Variants in PLEKHH3 observed in about 807,000 individuals in gnomAD.
The protein encoded by PLEKHH3 is pleckstrin homology domain-containing family H member 3.
In PLEKHH3, 57 loss-of-function variants were observed where a neutral mutation model predicts 77.8. That is an observed-to-expected ratio of 0.73 (90% CI 0.59 to 0.91). The LOEUF (loss-of-function observed/expected upper bound fraction) is 0.91. PLEKHH3 is among the 40% of genes least tolerant of loss of function. The pLI is 0.00. For missense variants in PLEKHH3, 1,082 were observed against 1,091.2 expected, an observed-to-expected ratio of 0.99 and a Z score of 0.12; for synonymous variants, 467 against 504.8, an observed-to-expected ratio of 0.93 and a Z score of 1.00.
Position 42,673,556 on chromosome 17 carries a change from C to T in PLEKHH3, c.491G>A (p.Gly164Asp). The change falls in exon 5 of 13, where the codon GGT (glycine) becomes GAT (aspartate). Residue 164 changes from glycine to aspartate, a missense_variant and splice_region_variant. This residue lies in a region of PLEKHH3 where 344 missense variants were observed against 320.8 expected (regional missense o/e 1.07). Transcript: ENST00000591022. ...ACCAGACACAGTCACTGACCACAGA[C>T]CTGGGGAAAAGAGAGGCCAGGGAGG... ...TGPERRRKET[G>D]LWSVTVSGRK... 1.9e-6 allele frequency: 3 copies of T among 1,589,846 alleles called. No individual in the cohort carries two copies. Among genetic ancestry groups the T allele is most frequent in the Non-Finnish European group, 2.6e-6 (3 of 1,170,338 alleles).
At chr17:42,675,356 G>C (rs564811764) in intron 1 of PLEKHH3, among the ~76,000 whole-genome samples, 1 of 152,274 alleles carries the variant, frequency 6.6e-6, no homozygotes, top group South Asian at 2.1e-4. Context: ...TGCCCAAGCT[G>C]GAAGCTTGGG....
In PLEKHH3 at chr17:42,670,556, A is replaced by G; in HGVS notation, c.1554+17T>C. 1.2e-6 allele frequency: 2 copies of G among 1,600,130 alleles called. No individual in the cohort carries two copies. Among genetic ancestry groups the G allele is most frequent in the Non-Finnish European group, 8.5e-7 (1 of 1,169,816 alleles). ...CTTGGGGGTCTGTTTGGAGGCGTGAACGCCGGAGAGCCTCACCTGCTCAAA... is the reference window on the plus strand; with the variant it reads ...CTTGGGGGTCTGTTTGGAGGCGTGAGCGCCGGAGAGCCTCACCTGCTCAAA... On this transcript the variant is annotated intron_variant, in intron 10 of 12. Coordinates refer to ENST00000591022, the MANE Select transcript of PLEKHH3 (RefSeq NM_024927.5).
chr17:42,670,399 C>T, intron 10 of PLEKHH3, 23 bp from the exon 11 acceptor site: 1 of 1,450,398 alleles, frequency 6.9e-7, no homozygotes, highest in Non-Finnish European at 9.0e-7. Context: ...CACCCGGCGT[C>T]AGTGTACGAG....
intron 12 of PLEKHH3, 174 bp downstream of exon 12, chr17:42,669,256 G>A (rs2052628708): frequency 1.9e-6 from 1 of 518,298 alleles, no homozygotes; most frequent in Non-Finnish European, 3.1e-6. Flanking sequence ...CATAGCCTGG[G>A]ATTCCTTGTT....
At position 42,668,394 on chromosome 17, in the gene PLEKHH3, C is replaced by T. The variant is rs573510831; in HGVS notation, c.2206-91G>A. On this transcript the variant is annotated intron_variant, in intron 12 of 12. Transcript: ENST00000591022. ...CTCCAGGCTCTAGGGCTCCAGCTTCCCCACCAGGGTCCTACGTGCTCTGGC... is the reference window on the plus strand; with the variant it reads ...CTCCAGGCTCTAGGGCTCCAGCTTCTCCACCAGGGTCCTACGTGCTCTGGC... 3.9e-5 allele frequency: 46 copies of T among 1,191,638 alleles called. No homozygotes were observed. In the Admixed American group the frequency reaches 5.5e-4, roughly 14 times the overall value. 73.8% of individuals were successfully genotyped at this position (1,191,638 alleles called of 1,614,324 possible).
chr17:42,670,483 G>T (rs1384636225), intron 10 of PLEKHH3, 90 bp downstream of exon 10: 1 of 1,525,412 alleles, frequency 6.6e-7, no homozygotes, highest in East Asian at 2.3e-5. Flanking sequence ...CTCCCGCGGG[G>T]CTGCCATAGT....
At chr17:42,674,215 C>T (rs1567962195) in intron 2 of PLEKHH3, 139 bp downstream of exon 2, 1 of 1,187,846 alleles carries the variant, frequency 8.4e-7, no homozygotes, top group Non-Finnish European at 1.2e-6. Flanking sequence ...CCGGACCGCC[C>T]CCCGGGACCC....
At chr17:42,668,710 G>T (rs994918846) in intron 12 of PLEKHH3, 2 of 154,066 alleles carry the variant, frequency 1.3e-5, no homozygotes, top group African/African-American at 4.8e-5. Flanking sequence ...GCCCATCTCG[G>T]CCTCCCAAAG....
Position 42,671,226 on chromosome 17 carries a change from A to T in PLEKHH3, c.1285-96T>A. ...GAAGGGGTCTCTTAGTCCTGTCACC[A>T]CCACTCCCTCCCTTACCAAAATAAT... is the stretch of plus-strand genomic sequence containing the variant. On this transcript the variant is annotated intron_variant, in intron 8 of 12. Transcript: ENST00000591022. This position sits in a 1 kb window ranked among gnomAD's most constrained non-coding sequence, Gnocchi z 4.7. 6.6e-7 allele frequency: 1 copy of T among 1,522,540 alleles called. No homozygotes were observed. Among genetic ancestry groups the T allele is most frequent in the Non-Finnish European group, 8.9e-7 (1 of 1,128,550 alleles). The allele number at this position is 1,522,540 out of a possible 1,614,324, so 94.3% of individuals were successfully genotyped here. A position where few individuals can be genotyped will look rare whatever the true frequency, so the allele number is the denominator to read the frequency against.
In PLEKHH3 at chr17:42,676,634, G is replaced by T; in HGVS notation, c.-71C>A. ...CAGTAGGGGGTCGGAGGAACTGGCG[G>T]GGCTCCGACCCGAGCAGGGGAAAGA... On this transcript the variant is annotated 5_prime_UTR_variant, in exon 1 of 13. Coordinates refer to ENST00000591022, the MANE Select transcript of PLEKHH3 (RefSeq NM_024927.5). This position sits in a 1 kb window ranked among gnomAD's most constrained non-coding sequence, Gnocchi z 6.6. The T allele has an allele frequency of 7.0e-7, 1 of 1,436,940 alleles. No homozygotes were observed. Among genetic ancestry groups the T allele is most frequent in the Non-Finnish European group, 9.5e-7 (1 of 1,056,174 alleles). 89.0% of individuals were successfully genotyped at this position (1,436,940 alleles called of 1,614,324 possible). A position where few individuals can be genotyped will look rare whatever the true frequency, so the allele number is the denominator to read the frequency against.
chr17:42,676,271 C>T lies in PLEKHH3; in HGVS notation c.162+131G>A. The stretch of plus-strand genomic sequence containing the variant: ...GAGAGCTCCCGGGGGCTTTGGCCCC[C>T]AGGCAAAAAACTCTCCCTCATCCCT... On this transcript the variant is annotated intron_variant, in intron 1 of 12. Coordinates refer to ENST00000591022, the MANE Select transcript of PLEKHH3 (RefSeq NM_024927.5). This position sits in a 1 kb window ranked among gnomAD's most constrained non-coding sequence, Gnocchi z 6.6. 6.8e-7 allele frequency: 1 copy of T among 1,469,354 alleles called. No homozygotes were observed. Among genetic ancestry groups the T allele is most frequent in the South Asian group, 1.4e-5 (1 of 72,892 alleles). 91.0% of individuals were successfully genotyped at this position (1,469,354 alleles called of 1,614,324 possible).
In PLEKHH3 at chr17:42,673,520, C is replaced by G; in HGVS notation, c.527G>C (p.Ser176Thr). The G allele has an allele frequency of 6.2e-7, 1 of 1,601,804 alleles. No individual in the cohort carries two copies. Among genetic ancestry groups the G allele is most frequent in the African/African-American group, 1.3e-5 (1 of 74,822 alleles). The stretch of plus-strand genomic sequence containing the variant: ...CTGGCGTGGGGAGCAGAGGCGGACA[C>G]TGTGTTTCCGACCAGACACAGTCAC... ...WSVTVSGRKH[S>T]VRLCSPRQAE... The change falls in exon 5 of 13, where the codon AGT becomes ACT. Residue 176 changes from serine to threonine, a missense_variant. This residue lies in a region of PLEKHH3 where 344 missense variants were observed against 320.8 expected (regional missense o/e 1.07). Coordinates refer to ENST00000591022, the MANE Select transcript of PLEKHH3 (RefSeq NM_024927.5).
Position 42,673,671 on chromosome 17 carries a change from G to T in PLEKHH3, c.462C>A (p.Thr154=). The change falls in exon 4 of 13, where the codon ACC becomes ACA. Residue 154 remains threonine (T), a synonymous_variant. Coordinates refer to ENST00000591022, the MANE Select transcript of PLEKHH3 (RefSeq NM_024927.5). The part of the protein sequence containing the change: ...SLVLTSLCSV[T]GPERRRKETG... The stretch of plus-strand genomic sequence containing the variant: ...TCTCCTTACGCCTGCGCTCTGGGCC[G>T]GTCACCGAGCACAGGCTGGTGAGCA... 1 of 1,602,474 alleles carries T rather than the reference G, an allele frequency of 6.2e-7. No homozygotes were observed.
At chr17:42,670,906 C>CA in intron 9 of PLEKHH3, 88 bp downstream of exon 9, 1 of 1,559,894 alleles carries the variant, frequency 6.4e-7, no homozygotes, top group Non-Finnish European at 8.7e-7. Flanking sequence ...GGGCCAGGGG[C>CA]AAGCGCTGGA....
In PLEKHH3 at chr17:42,676,813, G is replaced by A; in HGVS notation, c.-250C>T. The A allele has an allele frequency of 1.8e-6, 1 of 569,640 alleles. No homozygotes were observed. The allele number at this position is 569,640 out of a possible 1,614,324, so 35.3% of individuals were successfully genotyped here. A position where few individuals can be genotyped will look rare whatever the true frequency, so the allele number is the denominator to read the frequency against. ...AAGCGTCCAGGGCCCCGGGAGAGGA[G>A]GGAGCAATGTCCGGAGCTGGGAAGT... On this transcript the variant is annotated 5_prime_UTR_variant, in exon 1 of 13. Transcript: ENST00000591022. This position sits in a 1 kb window ranked among gnomAD's most constrained non-coding sequence, Gnocchi z 6.6.
At position 42,674,343 on chromosome 17, in the gene PLEKHH3, G is replaced by T. The variant is rs759890990; in HGVS notation, c.218+11C>A. Reference sequence around the variant, plus strand: ...GGTCGCCAGACTATGGGACGTAGGGGCGTAGCTCACCTGTTGGAGACAGGC... The same window carrying T: ...GGTCGCCAGACTATGGGACGTAGGGTCGTAGCTCACCTGTTGGAGACAGGC... On this transcript the variant is annotated intron_variant, in intron 2 of 12. Transcript: ENST00000591022. The T allele has an allele frequency of 6.2e-5, 97 of 1,569,686 alleles. No individual in the cohort carries two copies. Among genetic ancestry groups the T allele is most frequent in the Non-Finnish European group, 8.2e-5 (95 of 1,159,738 alleles).
intron 1 of PLEKHH3, among the ~76,000 whole-genome samples, chr17:42,675,666 G>A (rs187057975): frequency 7.0e-4 from 106 of 152,288 alleles, no homozygotes; most frequent in Admixed American, 5.5e-3. Flanking sequence ...ACAGCACACG[G>A]GAGTCTGGCC....
chr17:42,672,431 G>C, intron 6 of PLEKHH3, 39 bp from the exon 7 acceptor site: 1 of 1,468,706 alleles, frequency 6.8e-7, no homozygotes. Context: ...TTTGGAGAGG[G>C]GACACAGAGC....
Position 42,674,414 on chromosome 17 carries a change from G to A in PLEKHH3, c.163-5C>T, listed in dbSNP as rs997699043. On this transcript the variant is annotated splice_region_variant and splice_polypyrimidine_tract_variant and intron_variant, in intron 1 of 12. Coordinates refer to ENST00000591022, the MANE Select transcript of PLEKHH3 (RefSeq NM_024927.5). Reference sequence around the variant, plus strand: ...CAGCGTCACTTCCAGGGGACCCTGGGGAGACAGGCGGGGAAGCCCTCAGGG... The same window carrying A: ...CAGCGTCACTTCCAGGGGACCCTGGAGAGACAGGCGGGGAAGCCCTCAGGG... The A allele has an allele frequency of 5.0e-6, 8 of 1,586,696 alleles. No homozygotes were observed. The highest frequency in any genetic ancestry group is 4.6e-5 in the South Asian group (4 of 87,266).
Sources: allele counts gnomAD v4.1 joint callset (sites outside exome capture counted in the v4.1 genomes callset), GRCh38; gene constraint gnomAD v4.1.1; regional missense constraint gnomAD v4.1.1; non-coding constraint Gnocchi (gnomAD v3.1); transcripts MANE v1.5; gene names NCBI Gene and HGNC (gene_info 2026-07-23, HGNC 2026-07-21).